The following SMCHD1 variants were observed in gnomAD, a reference collection of about 807,000 sequenced individuals.
SMCHD1 encodes the protein structural maintenance of chromosomes flexible hinge domain-containing protein 1.
SMCHD1 carries 78 observed loss-of-function variants against 254.7 expected under a neutral mutation model. The observed-to-expected ratio is 0.31, with a 90% CI of 0.26 to 0.37. The LOEUF (loss-of-function observed/expected upper bound fraction) is 0.37. Among genes scored for constraint, SMCHD1 ranks in the 10% least tolerant of loss-of-function variants. SMCHD1 has a pLI of 1.00. For synonymous variants in SMCHD1, 766 were observed against 794.9 expected (o/e 0.96, Z 0.61); for missense variants, 1,840 against 2,408.1 (o/e 0.76, Z 4.94).
chr18:2,692,088 A>G (rs1355738923), intron 7 of SMCHD1, among the ~76,000 whole-genome samples: 2 of 152,250 alleles, frequency 1.3e-5, no homozygotes, highest in Admixed American at 1.3e-4. Flanking sequence ...CCACAATCCA[A>G]ACAGTATTTT....
At chr18:2,711,481 CTTT>C (rs752950626) in intron 17 of SMCHD1, among the ~76,000 whole-genome samples, 1 of 112,498 alleles carries the variant, frequency 8.9e-6, no homozygotes, top group East Asian at 2.5e-4. Context: ...GGATGTTTGT[CTTT>C]TTTTTTTTTT....
chr18:2,726,172 T>C (rs1026058974), intron 21 of SMCHD1, among the ~76,000 whole-genome samples: 2 of 151,946 alleles, frequency 1.3e-5, no homozygotes, highest in Non-Finnish European at 2.9e-5. Flanking sequence ...GAATAAAAAT[T>C]TAAGAGAAAA....
intron 45 of SMCHD1, among the ~76,000 whole-genome samples, chr18:2,791,626 T>A (rs555307206): frequency 2.6e-5 from 4 of 152,286 alleles, no homozygotes; most frequent in Admixed American, 6.5e-5. Context: ...GAATGGTGAT[T>A]CCTGAGAAAT....
chr18:2,790,289 C>T (rs183813621), intron 45 of SMCHD1, among the ~76,000 whole-genome samples: 2 of 152,260 alleles, frequency 1.3e-5, no homozygotes, highest in East Asian at 1.9e-4. Flanking sequence ...TTCAATTACC[C>T]GAAGTCAATG....
chr18:2,667,091 C>T (rs1466531292), intron 3 of SMCHD1, 60 bp downstream of exon 3: 5 of 1,195,286 alleles, frequency 4.2e-6, no homozygotes, highest in East Asian at 5.2e-5. Context: ...CCCCTGATTA[C>T]GTATCCCATT....
At chr18:2,752,832 T>C (rs1216072502) in intron 34 of SMCHD1, 2 of 289,142 alleles carry the variant, frequency 6.9e-6, no homozygotes, top group Non-Finnish European at 1.3e-5. Context: ...TAACTTCTTA[T>C]TATATAGGAG....
intron 30 of SMCHD1, 86 bp from the exon 31 acceptor site, chr18:2,749,957 A>G: frequency 8.5e-7 from 1 of 1,180,374 alleles, no homozygotes; most frequent in Non-Finnish European, 1.2e-6. Flanking sequence ...ATAGGAATAG[A>G]GGGAAAGAAC....
chr18:2,778,901 A>G (rs9946460), intron 44 of SMCHD1: 38,051 of 152,078 alleles, frequency 0.25, 4,877 homozygotes, highest in South Asian at 0.35. Context: ...TCACATTCTG[A>G]GGGACTGGGG....
chr18:2,796,887 CA>C (rs751841715), intron 47 of SMCHD1: 3 of 169,006 alleles, frequency 1.8e-5, no homozygotes, highest in Non-Finnish European at 3.8e-5. Context: ...CTGACTTGGT[CA>C]TCATACTTTA....
chr18:2,718,852 C>A lies in SMCHD1; in HGVS notation c.2458+418C>A, dbSNP rs977354461. ...ACAGATGTGAGCCACCGTGCCCGGC[C>A]CATTTTGATTTTCAAATAGCTTTGT... On this transcript the variant is annotated intron_variant, in intron 19 of 47. Coordinates refer to ENST00000320876, the MANE Select transcript of SMCHD1 (RefSeq NM_015295.3). The surrounding 1 kb of genome is among the most constrained non-coding windows in gnomAD (Gnocchi z 4.6). Among the ~76,000 whole-genome samples, 4 of 152,054 alleles carry A rather than the reference C, an allele frequency of 2.6e-5. No individual in the cohort carries two copies. Among genetic ancestry groups the A allele is most frequent in the Admixed American group, 2.6e-4 (4 of 15,264 alleles).
intron 5 of SMCHD1, among the ~76,000 whole-genome samples, chr18:2,684,732 T>TGTGTGTGTGTGTGTGTGA (rs534087695): frequency 7.5e-4 from 113 of 151,104 alleles, no homozygotes; most frequent in African/African-American, 9.0e-4. Flanking sequence ...TGTGTGTGTG[T>TGTGTGTGTGTGTGTGTGA]GATTCCATTT....
chr18:2,728,642 T>G (rs754908717), intron 23 of SMCHD1, 46 bp downstream of exon 23: 1 of 1,580,428 alleles, frequency 6.3e-7, no homozygotes, highest in African/African-American at 1.4e-5. Flanking sequence ...TTGTAGTAAG[T>G]GGCAATGACT....
In SMCHD1 at chr18:2,750,072, A is replaced by G. The variant is rs759050934; in HGVS notation, c.3957A>G (p.Thr1319=). 11 of 1,575,224 alleles carry G rather than the reference A, an allele frequency of 7.0e-6. No individual in the cohort carries two copies. The highest frequency in any genetic ancestry group is 9.5e-6 in the Non-Finnish European group (11 of 1,158,578). The change falls in exon 31 of 48, where the codon ACA becomes ACG. Residue 1319 remains threonine (T), a synonymous_variant. Coordinates refer to ENST00000320876, the MANE Select transcript of SMCHD1 (RefSeq NM_015295.3). ...KLMPSNQQHK[T]DEKGRANLGV... ...TGCCTTCAAACCAACAGCATAAAACAGATGAGAAAGGCAGGGCTAATTTGG... is the reference window on the plus strand; with the variant it reads ...TGCCTTCAAACCAACAGCATAAAACGGATGAGAAAGGCAGGGCTAATTTGG...
chr18:2,674,460 T>C (rs947299832), intron 5 of SMCHD1, among the ~76,000 whole-genome samples: 20 of 152,302 alleles, frequency 1.3e-4, no homozygotes, highest in Admixed American at 1.2e-3. Flanking sequence ...TAAAATGGGC[T>C]TTAGAAATCG....
intron 3 of SMCHD1, among the ~76,000 whole-genome samples, chr18:2,672,255 C>T (rs674602): frequency 0.17 from 26,098 of 152,004 alleles, 5,477 homozygotes; most frequent in African/African-American, 0.5. Context: ...GAGATAGAGT[C>T]TCGCTCTGTT....
chr18:2,733,224 T>A (rs2075176971), intron 25 of SMCHD1, among the ~76,000 whole-genome samples: 3 of 152,214 alleles, frequency 2.0e-5, no homozygotes. Flanking sequence ...AGAATCACTC[T>A]GCTGTGCAAA....
intron 8 of SMCHD1, among the ~76,000 whole-genome samples, chr18:2,694,937 A>G (rs189310454): frequency 6.6e-6 from 1 of 152,228 alleles, no homozygotes; most frequent in East Asian, 1.9e-4. Flanking sequence ...TGACAATATT[A>G]TAAAATTAAA....
At chr18:2,662,667 CAAA>C (rs745838636) in intron 1 of SMCHD1, among the ~76,000 whole-genome samples, 3 of 35,678 alleles carry the variant, frequency 8.4e-5, no homozygotes, top group African/African-American at 2.5e-4. Context: ...AACAAAAAAC[CAAA>C]AAAAAAAAAA....
At chr18:2,775,662 G>T in intron 41 of SMCHD1, 72 bp from the exon 42 acceptor site, 13 of 1,317,540 alleles carry the variant, frequency 9.9e-6, no homozygotes, top group East Asian at 2.8e-5. Context: ...ACCTAGGCTT[G>T]GGCTTTTAAC....
Sources: gnomAD v4.1 joint callset for allele counts (sites outside exome capture counted in the v4.1 genomes callset) on GRCh38, gnomAD v4.1.1 for gene constraint, Gnocchi (gnomAD v3.1) non-coding constraint, MANE v1.5 for transcripts, NCBI Gene and HGNC (gene_info 2026-07-23, HGNC 2026-07-21) for gene names.